The following POTEM variants were observed in gnomAD, a reference collection of about 807,000 sequenced individuals.
The protein encoded by POTEM is putative POTE ankyrin domain family member M.
For missense variants in POTEM, 24 were observed against 343.0 expected, an observed-to-expected ratio of 0.07 and a Z score of 7.35; for synonymous variants, 8 against 113.2, an observed-to-expected ratio of 0.07 and a Z score of 5.90.
Position 19,002,747 on chromosome 14 carries a change from C to T in POTEM, c.*4082C>T, listed in dbSNP as rs201052222. Among the ~76,000 whole-genome samples the T allele has an allele frequency of 0.017, 2,420 of 140,200 alleles. No individual in the cohort carries two copies. Among genetic ancestry groups the T allele is most frequent in the South Asian group, 0.051 (190 of 3,754 alleles). The allele number at this position is 140,200 out of a possible 152,430, so 92.0% of individuals were successfully genotyped here. On this transcript the variant is annotated 3_prime_UTR_variant, in exon 11 of 11. Transcript: ENST00000547889. ...GAGAGCTGCAGCAAGGTGGCCCCTA[C>T]GGCCACGCACCAGCCTGCACATTAC...
intron 9 of POTEM, among the ~76,000 whole-genome samples, chr14:18,991,253 CCTT>C (rs1456207191): frequency 1.0e-5 from 1 of 99,582 alleles, no homozygotes; most frequent in African/African-American, 3.1e-5. Context: ...AGATCTCACT[CCTT>C]AATTCCAGAT....
intron 9 of POTEM, chr14:18,992,383 C>CT (rs1422567682): frequency 5.4e-5 from 9 of 165,372 alleles, no homozygotes; most frequent in Non-Finnish European, 1.0e-4. Context: ...GAAAAATCCT[C>CT]TTTCTCATCA....
chr14:19,002,819 G>C lies in POTEM; in HGVS notation c.*4154G>C, dbSNP rs1224317801. Among the ~76,000 whole-genome samples, 4 of 152,396 alleles carry C rather than the reference G, an allele frequency of 2.6e-5. No individual in the cohort carries two copies. Among genetic ancestry groups the C allele is most frequent in the African/African-American group, 9.6e-5 (4 of 41,582 alleles). On this transcript the variant is annotated 3_prime_UTR_variant, in exon 11 of 11. Transcript: ENST00000547889. ...ATATGGAAACTTCCTACATCACTTT[G>C]CTGTGTGTGTTTACACAGGTGGATT...
chr14:18,968,648 G>A (rs1446204601), intron 1 of POTEM, among the ~76,000 whole-genome samples: 6 of 145,766 alleles, frequency 4.1e-5, no homozygotes, highest in Non-Finnish European at 7.6e-5. Flanking sequence ...GTGAAACCCC[G>A]TCTCTACTAA....
chr14:18,985,965 T>C (rs1212548266), intron 7 of POTEM, among the ~76,000 whole-genome samples: 1 of 87,698 alleles, frequency 1.1e-5, no homozygotes, highest in Non-Finnish European at 2.3e-5. Context: ...TTGTAATAAA[T>C]TCAGCAACCT....
intron 9 of POTEM, among the ~76,000 whole-genome samples, 197 bp from the exon 10 acceptor site, chr14:18,996,839 GGAAAA>G: frequency 6.6e-6 from 1 of 152,296 alleles, no homozygotes; most frequent in African/African-American, 2.4e-5. Context: ...TCAGGTTCCT[GGAAAA>G]ATTATCTTCC....
chr14:18,990,890 T>TC (rs1491385740), intron 9 of POTEM, among the ~76,000 whole-genome samples: 1 of 21,590 alleles, frequency 4.6e-5, no homozygotes, highest in Non-Finnish European at 1.1e-4. Context: ...TCTCATGACA[T>TC]TTTTTTTTTT....
At chr14:18,968,274 A>G (rs1890810298) in intron 1 of POTEM, among the ~76,000 whole-genome samples, 1 of 152,298 alleles carries the variant, frequency 6.6e-6, no homozygotes. Context: ...AACATTGTCG[A>G]TGCAGCAGAT....
intron 9 of POTEM, among the ~76,000 whole-genome samples, chr14:18,995,875 C>CT (rs1237973982): frequency 7.7e-6 from 1 of 129,712 alleles, no homozygotes; most frequent in South Asian, 2.6e-4. Context: ...GTATTTCACA[C>CT]TTTTTTGCAG....
chr14:18,969,344 T>C (rs1231804532), intron 1 of POTEM, among the ~76,000 whole-genome samples: 2 of 108,694 alleles, frequency 1.8e-5, no homozygotes, highest in East Asian at 2.2e-4. Context: ...CGTATATACA[T>C]ATATATACAT....
At chr14:18,974,741 A>ATTTT (rs1890919414) in intron 3 of POTEM, 1 of 192,712 alleles carries the variant, frequency 5.2e-6, no homozygotes, top group Non-Finnish European at 9.1e-6. Context: ...CATTAATCTG[A>ATTTT]CTTTTTTTTT....
chr14:18,969,382 C>CGTGTATATAT (rs1594271458), intron 1 of POTEM, among the ~76,000 whole-genome samples: 3 of 64,664 alleles, frequency 4.6e-5, no homozygotes, highest in Non-Finnish European at 1.3e-4. Context: ...TATATATACA[C>CGTGTATATAT]AAAATTTCTT....
chr14:18,981,133 C>T (rs1436306875), intron 6 of POTEM, among the ~76,000 whole-genome samples: 1 of 151,068 alleles, frequency 6.6e-6, no homozygotes, highest in Non-Finnish European at 1.5e-5. Flanking sequence ...ATCTATTTAT[C>T]AAAGAGCTTC....
intron 9 of POTEM, among the ~76,000 whole-genome samples, chr14:18,991,089 G>A (rs1341900823): frequency 8.0e-6 from 1 of 124,608 alleles, no homozygotes; most frequent in African/African-American, 2.7e-5. Flanking sequence ...TCCCCATGTT[G>A]GCCAGGCTGG....
chr14:18,992,902 TTTTA>T lies in POTEM; in HGVS notation c.1410-4130_1410-4127del, dbSNP rs1339207837. ...AGAGGAATTGCAAACTTTACTGGTATTTTATTTATTTAGAGATAGAGTCTTGCTC... is the reference window on the plus strand; with the variant it reads ...AGAGGAATTGCAAACTTTACTGGTATTTTATTTAGAGATAGAGTCTTGCTC... On this transcript the variant is annotated intron_variant, in intron 9 of 10. Coordinates refer to ENST00000547889, the MANE Select transcript of POTEM (RefSeq NM_001145442.1). 6.4e-5 allele frequency among the ~76,000 whole-genome samples: 4 copies of T among 62,986 alleles called. 1 individual carries two copies. In the East Asian group the frequency reaches 1.4e-3, roughly 22 times the overall value. 41.3% of individuals were successfully genotyped at this position (62,986 alleles called of 152,430 possible). A position where few individuals can be genotyped will look rare whatever the true frequency, so the allele number is the denominator to read the frequency against.
In POTEM at chr14:18,977,443, T is replaced by C. The variant is rs757215848; in HGVS notation, c.918-23T>C. ...TTAGCTTTTAAAATAACTTTATTAC[T>C]GTTCCTATCTCTGTCATTTTAGAAC... On this transcript the variant is annotated intron_variant, in intron 4 of 10. Transcript: ENST00000547889. 2 of 540,314 alleles carry C rather than the reference T, an allele frequency of 3.7e-6. 1 individual carries two copies. The highest frequency in any genetic ancestry group is 6.7e-5 in the East Asian group (2 of 29,986). 33.5% of individuals were successfully genotyped at this position (540,314 alleles called of 1,614,324 possible).
chr14:18,999,074 C>T lies in POTEM; in HGVS notation c.*409C>T. 1.2e-5 allele frequency: 3 copies of T among 247,034 alleles called. No individual in the cohort carries two copies. The highest frequency in any genetic ancestry group is 2.9e-5 in the South Asian group (1 of 34,986). 15.3% of individuals were successfully genotyped at this position (247,034 alleles called of 1,614,324 possible). A position where few individuals can be genotyped will look rare whatever the true frequency, so the allele number is the denominator to read the frequency against. On this transcript the variant is annotated 3_prime_UTR_variant, in exon 11 of 11. Coordinates refer to ENST00000547889, the MANE Select transcript of POTEM (RefSeq NM_001145442.1). The stretch of plus-strand genomic sequence containing the variant: ...AGAGAGGCATCCTGACCCTGAAGTA[C>T]CCCATGGAGCACGGCATCATCACCA...
chr14:18,991,063 T>C (rs1485851151), intron 9 of POTEM, among the ~76,000 whole-genome samples: 1 of 116,508 alleles, frequency 8.6e-6, no homozygotes, highest in African/African-American at 2.9e-5. Context: ...TTTGTATTTT[T>C]AGTAGTGACA....
At position 18,976,044 on chromosome 14, in the gene POTEM, T is replaced by C; in HGVS notation, c.811-5T>C. 1 of 178,288 alleles carries C rather than the reference T, an allele frequency of 5.6e-6. No homozygotes were observed. Among genetic ancestry groups the C allele is most frequent in the South Asian group, 4.6e-5 (1 of 21,838 alleles). The allele number at this position is 178,288 out of a possible 1,614,324, so 11.0% of individuals were successfully genotyped here. A position where few individuals can be genotyped will look rare whatever the true frequency, so the allele number is the denominator to read the frequency against. ...CATACGTTTTTGCTTTATATTGTTT[T>C]ACAGCATGGCCTCACACCACTGTTA... On this transcript the variant is annotated splice_region_variant and splice_polypyrimidine_tract_variant and intron_variant, in intron 3 of 10. Transcript: ENST00000547889.
Sources: gnomAD v4.1 joint callset for allele counts (sites outside exome capture counted in the v4.1 genomes callset) on GRCh38, gnomAD v4.1.1 for gene constraint, MANE v1.5 for transcripts, NCBI Gene and HGNC (gene_info 2026-07-23, HGNC 2026-07-21) for gene names.